ABR: variants seen among roughly 807,000 people sequenced by gnomAD.
ABR encodes ABR activator of RhoGEF and GTPase.
ABR carries 35 observed loss-of-function variants against 107.2 expected under a neutral mutation model. The observed-to-expected ratio is 0.33, with a 90% CI of 0.25 to 0.43. ABR has a LOEUF of 0.43. ABR is among the 20% of genes least tolerant of loss of function. The probability of loss-of-function intolerance (pLI) is 1.00; values close to 1 mark genes in which losing one functional copy is unlikely to be tolerated. For synonymous variants in ABR, 498 were observed against 462.0 expected, an observed-to-expected ratio of 1.08 and a Z score of -1.00; for missense variants, 815 against 1,115.2, an observed-to-expected ratio of 0.73 and a Z score of 3.83.
chr17:1,128,998 AT>A (rs2039711820), intron 1 of ABR, among the ~76,000 whole-genome samples: 1 of 152,226 alleles, frequency 6.6e-6, no homozygotes, highest in Non-Finnish European at 1.5e-5. Context: ...TGGTTTTTCT[AT>A]TATCTGCAGT....
In ABR at chr17:1,179,400, C is replaced by T. The variant is rs1389629707; in HGVS notation, c.61+267G>A. Among the ~76,000 whole-genome samples the T allele has an allele frequency of 6.6e-6, 1 of 152,068 alleles. No homozygotes were observed. The highest frequency in any genetic ancestry group is 1.5e-5 in the Non-Finnish European group (1 of 67,984). ...CTCGGCTCGGTCCGCCCACGGTCCC[C>T]GCCCCCGGACCGCAGGAATCCTCTC... On this transcript the variant is annotated intron_variant, in intron 1 of 22. Coordinates refer to ENST00000302538, the MANE Select transcript of ABR (RefSeq NM_021962.5). The surrounding 1 kb of genome is among the most constrained non-coding windows in gnomAD (Gnocchi z 4.9).
intron 1 of ABR, among the ~76,000 whole-genome samples, chr17:1,220,402 T>A (rs1358064471): frequency 6.6e-6 from 1 of 152,064 alleles, no homozygotes; most frequent in Non-Finnish European, 1.5e-5. Context: ...GTAGCGAGCG[T>A]CGAATGGGAA....
At chr17:1,080,536 C>T (rs537434876) in intron 5 of ABR, among the ~76,000 whole-genome samples, 5 of 151,910 alleles carry the variant, frequency 3.3e-5, no homozygotes, top group Admixed American at 6.6e-5. Context: ...GGTGAGGCCA[C>T]GGTCAGGTGC....
chr17:1,155,899 G>A (rs2041018396), intron 1 of ABR: 1 of 144,198 alleles, frequency 6.9e-6, no homozygotes. Flanking sequence ...AGGTTGCAGT[G>A]AGCCGAGATT....
At chr17:1,114,729 C>T (rs1050643067) in intron 2 of ABR, among the ~76,000 whole-genome samples, 4 of 151,816 alleles carry the variant, frequency 2.6e-5, no homozygotes, top group Admixed American at 6.6e-5. Flanking sequence ...GCCGAGATCG[C>T]GCCACTGCAC....
chr17:1,110,813 T>G (rs1438176351), intron 2 of ABR, among the ~76,000 whole-genome samples: 3 of 152,122 alleles, frequency 2.0e-5, no homozygotes, highest in Non-Finnish European at 2.9e-5. Flanking sequence ...CCACCAGGGT[T>G]CAACAGAGGC....
intron 1 of ABR, among the ~76,000 whole-genome samples, chr17:1,128,087 G>C (rs951175460): frequency 6.6e-6 from 1 of 152,240 alleles, no homozygotes; most frequent in Admixed American, 6.5e-5. Context: ...CTGAGGACAG[G>C]GTGCTGGTGG....
chr17:1,134,438 TTAAA>T (rs2039973414), intron 1 of ABR, among the ~76,000 whole-genome samples: 2 of 151,972 alleles, frequency 1.3e-5, no homozygotes, highest in Admixed American at 6.6e-5. Context: ...ATTAATTAAA[TTAAA>T]TTAAATAAAT....
At chr17:1,112,005 C>T (rs1474226922) in intron 2 of ABR, among the ~76,000 whole-genome samples, 1 of 152,208 alleles carries the variant, frequency 6.6e-6, no homozygotes, top group Non-Finnish European at 1.5e-5. Context: ...ACGAGTCTTC[C>T]TTCCCTCAAC....
intron 16 of ABR, among the ~76,000 whole-genome samples, chr17:1,013,820 C>T (rs1325407263): frequency 1.3e-5 from 2 of 152,196 alleles, no homozygotes; most frequent in Non-Finnish European, 2.9e-5. Flanking sequence ...TCCCCAGGCT[C>T]GGGCTGGAGC....
At position 1,050,534 on chromosome 17, in the gene ABR, C is replaced by G. The variant is rs772257229; in HGVS notation, c.1659+3G>C. 1.9e-6 allele frequency: 3 copies of G among 1,613,716 alleles called. No individual in the cohort carries two copies. Among genetic ancestry groups the G allele is most frequent in the Admixed American group, 3.3e-5 (2 of 60,020 alleles). ...CACAGAGATGCCAGCCCCTGCCACT[C>G]ACCTCATCCCACTTGGGCTCCGCTG... On this transcript the variant is annotated splice_donor_region_variant and intron_variant, in intron 15 of 22. Transcript: ENST00000302538. The surrounding 1 kb of genome is among the most constrained non-coding windows in gnomAD (Gnocchi z 4.6).
In ABR at chr17:1,126,419, G is replaced by A. The variant is rs1170279997; in HGVS notation, c.62-1052C>T. ...TCCTTGGGCTGGGGCCGCCAGCGGG[G>A]GGTGGACACCCCTCTCACACTCATC... On this transcript the variant is annotated intron_variant, in intron 1 of 22. Transcript: ENST00000302538. The A allele has an allele frequency of 3.3e-5, 5 of 152,602 alleles. No individual in the cohort carries two copies. In the East Asian group the frequency reaches 9.7e-4, roughly 30 times the overall value. 9.5% of individuals were successfully genotyped at this position (152,602 alleles called of 1,614,324 possible). A position where few individuals can be genotyped will look rare whatever the true frequency, so the allele number is the denominator to read the frequency against.
intron 2 of ABR, 86 bp from the exon 3 acceptor site, chr17:1,100,821 C>A (rs76815113): frequency 3.3e-5 from 42 of 1,281,882 alleles, no homozygotes; most frequent in East Asian, 9.3e-5. Context: ...GCCCTTCCCC[C>A]CCGACCTTTA....
intron 16 of ABR, among the ~76,000 whole-genome samples, chr17:1,021,068 C>T (rs2071585438): frequency 6.6e-6 from 1 of 152,164 alleles, no homozygotes; most frequent in Admixed American, 6.5e-5. Context: ...TCCCACAAGC[C>T]CTCACCCAGG....
Position 1,143,712 on chromosome 17 carries a change from G to A in ABR, c.62-18345C>T, listed in dbSNP as rs116818952. ...TCCTTGGAAGAGGGAGGCAGAGACCGTAGCCGCCTGGAGAAGTGGCCGCCT... is the reference window on the plus strand; with the variant it reads ...TCCTTGGAAGAGGGAGGCAGAGACCATAGCCGCCTGGAGAAGTGGCCGCCT... On this transcript the variant is annotated intron_variant, in intron 1 of 22. Transcript: ENST00000302538. Among the ~76,000 whole-genome samples, 419 of 152,236 alleles carry A rather than the reference G, an allele frequency of 2.8e-3. 3 individuals carry two copies. Among genetic ancestry groups the A allele is most frequent in the African/African-American group, 9.7e-3 (403 of 41,524 alleles).
intron 2 of ABR, among the ~76,000 whole-genome samples, chr17:1,104,745 C>T (rs1432654130): frequency 1.3e-5 from 2 of 152,248 alleles, no homozygotes; most frequent in African/African-American, 4.8e-5. Flanking sequence ...CTTTCAGCTG[C>T]TTCCTTGGCA....
intron 5 of ABR, 159 bp downstream of exon 5, chr17:1,083,361 A>C: frequency 2.8e-6 from 1 of 359,028 alleles, no homozygotes; most frequent in Admixed American, 4.3e-5. Context: ...TTCTATTAAG[A>C]GGGAAAATGT....
At chr17:1,198,836 T>G (rs2042618778) in intron 1 of ABR, among the ~76,000 whole-genome samples, 3 of 145,854 alleles carry the variant, frequency 2.1e-5, no homozygotes, top group Admixed American at 1.4e-4. Flanking sequence ...GGTTTCACCG[T>G]GTTAGCCAGG....
chr17:1,103,641 A>G (rs1273166432), intron 2 of ABR, among the ~76,000 whole-genome samples: 3 of 152,166 alleles, frequency 2.0e-5, no homozygotes, highest in Admixed American at 6.5e-5. Flanking sequence ...ACTTCCATTC[A>G]TAGTCCACTC....
Sources: allele counts gnomAD v4.1 joint callset (sites outside exome capture counted in the v4.1 genomes callset), GRCh38; gene constraint gnomAD v4.1.1; non-coding constraint Gnocchi (gnomAD v3.1); transcripts MANE v1.5; gene names NCBI Gene and HGNC (gene_info 2026-07-23, HGNC 2026-07-21).